The following TFAP2A variants were observed in gnomAD, a reference collection of about 807,000 sequenced individuals.
TFAP2A encodes transcription factor AP-2 alpha, also known as transcription factor AP-2-alpha.
In TFAP2A, 7 loss-of-function variants were observed where a neutral mutation model predicts 41.5. The observed-to-expected ratio is 0.17, with a 90% CI of 0.10 to 0.32. The LOEUF (loss-of-function observed/expected upper bound fraction) is 0.32. Ranked by LOEUF, TFAP2A falls within the 10% of genes least tolerant of loss-of-function variation. The pLI, the probability that TFAP2A is intolerant of heterozygous loss-of-function variation, is 1.00. For missense variants in TFAP2A, 416 were observed against 563.3 expected, an observed-to-expected ratio of 0.74 and a Z score of 2.65; for synonymous variants, 247 against 242.8, an observed-to-expected ratio of 1.02 and a Z score of -0.16.
Position 10,398,572 on chromosome 6 carries a change from C to A in TFAP2A, c.1165G>T (p.Gly389Cys). The change falls in exon 7 of 7, where the codon GGC (glycine) becomes TGC (cysteine). Residue 389 changes from glycine to cysteine, a missense_variant. Physicochemically the swap from Gly to Cys is radical, Grantham distance 159. Coordinates refer to ENST00000379613, the MANE Select transcript of TFAP2A (RefSeq NM_001372066.1). This position sits in a 1 kb window ranked among gnomAD's most constrained non-coding sequence, Gnocchi z 5.3. ...ACCGCGGCACACACCGCGGGGCTGC[C>A]GAAGCCGTGGGAGATGAGGTTGAAG... ...THFNLISHGF[G>C]SPAVCAAVTA... 1 of 1,614,194 alleles carries A rather than the reference C, an allele frequency of 6.2e-7. No individual in the cohort carries two copies. The highest frequency in any genetic ancestry group is 8.5e-7 in the Non-Finnish European group (1 of 1,180,036).
chr6:10,404,784 C>G, intron 3 of TFAP2A, 45 bp from the exon 4 acceptor site: 1 of 1,558,204 alleles, frequency 6.4e-7, no homozygotes, highest in South Asian at 1.1e-5. Context: ...TCGTGGATCA[C>G]CCCCAAATCC....
chr6:10,399,429 G>A (rs1212558628), intron 6 of TFAP2A, among the ~76,000 whole-genome samples: 1 of 152,250 alleles, frequency 6.6e-6, no homozygotes, highest in Non-Finnish European at 1.5e-5. Flanking sequence ...TTGTGGAGAT[G>A]GGTGTGCTTA....
At chr6:10,407,500 C>CTT (rs1010909089) in intron 2 of TFAP2A, 11,654 of 124,012 alleles carry the variant, frequency 0.094, 636 homozygotes, top group Middle Eastern at 0.24. Flanking sequence ...TTTTTCTTTT[C>CTT]TTTTTTTTTT....
intron 1 of TFAP2A, chr6:10,412,421 G>A (rs1758021883): frequency 5.0e-6 from 1 of 201,790 alleles, no homozygotes; most frequent in African/African-American, 2.4e-5. Context: ...CGGGTGGGGA[G>A]AGGGGAGGGA....
At chr6:10,403,909 T>C (rs1395803100) in intron 4 of TFAP2A, among the ~76,000 whole-genome samples, 1 of 152,160 alleles carries the variant, frequency 6.6e-6, no homozygotes, top group Non-Finnish European at 1.5e-5. Flanking sequence ...TTGGGAATCA[T>C]CATCATATGC....
chr6:10,404,463 C>T (rs891821832), intron 4 of TFAP2A, 45 bp downstream of exon 4: 11 of 1,406,280 alleles, frequency 7.8e-6, no homozygotes, highest in South Asian at 3.0e-5. Context: ...CGCAGTGGTT[C>T]CCCCGGCCGC....
At position 10,404,584 on chromosome 6, in the gene TFAP2A, T is replaced by C; in HGVS notation, c.694A>G (p.Thr232Ala). Reference protein sequence around the residue: ...LLSSTSKYKVTVAEVQRRLSP... With the variant: ...LLSSTSKYKVAVAEVQRRLSP... Reference sequence around the variant, plus strand: ...AGCCGCCGCTGCACTTCCGCCACCGTGACCTTGTACTTCGAGGTGGAGCTG... The same window carrying C: ...AGCCGCCGCTGCACTTCCGCCACCGCGACCTTGTACTTCGAGGTGGAGCTG... The change falls in exon 4 of 7, where the codon ACG becomes GCG. Residue 232 changes from threonine (T) to alanine (A), a missense_variant. Around this residue, in one of 3 missense-constraint regions of TFAP2A, gnomAD observed 59 missense variants for 135.4 expected, o/e 0.44. Coordinates refer to ENST00000379613, the MANE Select transcript of TFAP2A (RefSeq NM_001372066.1). 1 of 1,614,132 alleles carries C rather than the reference T, an allele frequency of 6.2e-7. No homozygotes were observed. The highest frequency in any genetic ancestry group is 8.5e-7 in the Non-Finnish European group (1 of 1,180,000).
rs540540292 is a variant in TFAP2A at position 10,397,790 on chromosome 6, T to TC, written c.*626dup. 1.9e-4 allele frequency: 173 copies of TC among 930,804 alleles called. No individual in the cohort carries two copies. In the African/African-American group the frequency reaches 2.8e-3, roughly 15 times the overall value. 57.7% of individuals were successfully genotyped at this position (930,804 alleles called of 1,614,324 possible). On this transcript the variant is annotated 3_prime_UTR_variant, in exon 7 of 7. Transcript: ENST00000379613. ...TGCGAATCGTGTTGCCAGAGAAAGTTCAAGTTGGTCGCTTTACCTTAAAGA... is the reference window on the plus strand; with the variant it reads ...TGCGAATCGTGTTGCCAGAGAAAGTTCCAAGTTGGTCGCTTTACCTTAAAGA...
intron 1 of TFAP2A, chr6:10,411,676 C>A: frequency 6.2e-7 from 1 of 1,606,222 alleles, no homozygotes. Context: ...GCCGCCCGAG[C>A]GCGCCCCACA....
chr6:10,399,896 G>GTC (rs140854143), intron 6 of TFAP2A, among the ~76,000 whole-genome samples: 1,572 of 148,578 alleles, frequency 0.011, 21 homozygotes, highest in East Asian at 0.032. Context: ...TGGGGTGTGG[G>GTC]TCTCTCTCTC....
At chr6:10,403,675 G>A (rs1581261108) in intron 4 of TFAP2A, among the ~76,000 whole-genome samples, 1 of 152,176 alleles carries the variant, frequency 6.6e-6, no homozygotes, top group African/African-American at 2.4e-5. Flanking sequence ...TGGAATCCTA[G>A]GGGTAGGAAG....
chr6:10,407,009 C>A, intron 2 of TFAP2A, 165 bp from the exon 3 acceptor site: 3 of 667,002 alleles, frequency 4.5e-6, no homozygotes, highest in Non-Finnish European at 8.1e-6. Context: ...GAATTTGGGG[C>A]TTTGCAACTC....
At chr6:10,412,201 G>T in intron 1 of TFAP2A, 4 of 987,116 alleles carry the variant, frequency 4.1e-6, no homozygotes, top group Non-Finnish European at 4.8e-6. Flanking sequence ...GACAAAAAGC[G>T]AGCGAGAGAG....
In TFAP2A at chr6:10,404,946, C is replaced by T. The variant is rs552633304; in HGVS notation, c.539-207G>A. The T allele has an allele frequency of 4.4e-4, 266 of 600,160 alleles. 4 individuals are homozygous for T. In the South Asian group the frequency reaches 5.1e-3, roughly 12 times the overall value. 37.2% of individuals were successfully genotyped at this position (600,160 alleles called of 1,614,324 possible). A position where few individuals can be genotyped will look rare whatever the true frequency, so the allele number is the denominator to read the frequency against. ...CCTACCTCACCCGGCGGCCGGGAGG[C>T]GGCCCTGCCCTCCCCCAGCCAGCCT... is the stretch of plus-strand genomic sequence containing the variant. On this transcript the variant is annotated intron_variant, in intron 3 of 6. Transcript: ENST00000379613.
chr6:10,400,107 T>C (rs553126668), intron 6 of TFAP2A, among the ~76,000 whole-genome samples: 35 of 152,182 alleles, frequency 2.3e-4, no homozygotes, highest in Non-Finnish European at 4.4e-4. Context: ...GGTAAGCCTG[T>C]TACCCCTTTG....
At chr6:10,409,582 T>C (rs1159847016) in intron 2 of TFAP2A, 1 of 335,012 alleles carries the variant, frequency 3.0e-6, no homozygotes, top group African/African-American at 2.1e-5. Context: ...GTAGATCTTT[T>C]AGCAATTGAG....
intron 3 of TFAP2A, chr6:10,406,163 A>G (rs1372309502): frequency 6.6e-6 from 1 of 152,404 alleles, no homozygotes; most frequent in Admixed American, 6.5e-5. Context: ...CTTTATTTCT[A>G]CTCACTAAAC....
intron 4 of TFAP2A, among the ~76,000 whole-genome samples, chr6:10,404,168 C>A (rs1358380790): frequency 6.6e-6 from 1 of 152,246 alleles, no homozygotes; most frequent in Non-Finnish European, 1.5e-5. Context: ...CGCCCCGCGG[C>A]TGCAGTGGCC....
chr6:10,405,760 A>G (rs933455036), intron 3 of TFAP2A: 1 of 152,192 alleles, frequency 6.6e-6, no homozygotes, highest in Non-Finnish European at 1.5e-5. Context: ...TGCGTTCTTT[A>G]ATGGGGATAT....
Sources: gnomAD v4.1 joint callset for allele counts (sites outside exome capture counted in the v4.1 genomes callset) on GRCh38, gnomAD v4.1.1 for gene constraint, gnomAD v4.1.1 regional missense constraint, Gnocchi (gnomAD v3.1) non-coding constraint, MANE v1.5 for transcripts, NCBI Gene and HGNC (gene_info 2026-07-23, HGNC 2026-07-21) for gene names.